Variants in P2RX5 observed in about 807,000 individuals in gnomAD.
P2RX5 encodes the protein purinergic receptor P2X 5, also known as P2X purinoceptor 5.
Under a neutral mutation model 54.1 loss-of-function variants are expected in P2RX5, and 46 were observed. The observed-to-expected ratio is 0.85, with a 90% CI of 0.67 to 1.09. The LOEUF (loss-of-function observed/expected upper bound fraction) is 1.09. Among genes scored for constraint, P2RX5 ranks in the 50% least tolerant of loss-of-function variants. P2RX5 has a pLI of 0.00. For synonymous variants in P2RX5, 226 were observed against 226.4 expected (o/e 1.00, Z 0.02); for missense variants, 566 against 549.8 (o/e 1.03, Z -0.29).
chr17:3,702,724 C>G, the P2RX5 span, among the ~76,000 whole-genome samples: 5 of 152,112 alleles, frequency 3.3e-5, no homozygotes, highest in Non-Finnish European at 5.9e-5. Context: ...TAACACTCAC[C>G]ACGAGGGTCC....
intron 10 of P2RX5, among the ~76,000 whole-genome samples, chr17:3,680,695 G>GTCCTCCACCCTGCATCCTCCACCCTGCA (rs1235724255): frequency 1.9e-5 from 1 of 53,226 alleles, no homozygotes; most frequent in African/African-American, 6.4e-5. Context: ...TCCATCCTGG[G>GTCCTCCACCCTGCATCCTCCACCCTGCA]TCCTCCACCC....
upstream of P2RX5, among the ~76,000 whole-genome samples, chr17:3,699,901 GGAAGGAAGGAAGGAAGGAAA>G (rs2050805428): frequency 3.0e-5 from 1 of 32,986 alleles, no homozygotes; most frequent in South Asian, 2.1e-3. Context: ...AAGGAAGGAA[GGAAGGAAGGAAGGAAGGAAA>G]GAAAGAAAGA....
At chr17:3,706,669 CA>C in the P2RX5 span, among the ~76,000 whole-genome samples, 1 of 152,046 alleles carries the variant, frequency 6.6e-6, no homozygotes, top group Non-Finnish European at 1.5e-5. Flanking sequence ...AGCAAGGAGC[CA>C]GTGTGATCTC....
Position 3,688,652 on chromosome 17 carries a change from CTT to C in P2RX5, c.859_860del (p.Lys287ValfsTer34). 6.2e-7 allele frequency: 1 copy of C among 1,614,150 alleles called. No homozygotes were observed. Among genetic ancestry groups the C allele is most frequent in the Non-Finnish European group, 8.5e-7 (1 of 1,180,020 alleles). On this transcript the variant is annotated frameshift_variant, in exon 8 of 12. Coordinates refer to ENST00000225328, the MANE Select transcript of P2RX5 (RefSeq NM_002561.4). LOFTEE classifies it high-confidence loss of function. Reference sequence around the variant, plus strand: ...TGAAGTTGTACCCGGAGGAGACAGACTTTGAAAGTTTATTGTCCAGACGGCTA... The same window carrying C: ...TGAAGTTGTACCCGGAGGAGACAGACTGAAAGTTTATTGTCCAGACGGCTA... ...SFSRLDNKLSKSVSSGYNFRF... is the reference protein window; with the variant it reads ...SFSRLDNKLSXSVSSGYNFRF...
chr17:3,684,752 G>A (rs1016262768), intron 9 of P2RX5, among the ~76,000 whole-genome samples: 1 of 151,750 alleles, frequency 6.6e-6, no homozygotes, highest in South Asian at 2.1e-4. Context: ...AAGGATGTGT[G>A]TAAGACCACA....
At chr17:3,720,584 CT>C in the P2RX5 span, 145,071 of 320,656 alleles carry the variant, frequency 0.45, 19,688 homozygotes, top group Middle Eastern at 0.51. Flanking sequence ...CTTCAACTTC[CT>C]TTTTTTTTTT....
At chr17:3,685,366 CT>C (rs1431905687) in intron 9 of P2RX5, among the ~76,000 whole-genome samples, 1 of 152,202 alleles carries the variant, frequency 6.6e-6, no homozygotes, top group Non-Finnish European at 1.5e-5. Flanking sequence ...CCAGAAAGCC[CT>C]CTTTTCCCAC....
chr17:3,701,116 G>C (rs2050813074), upstream of P2RX5, among the ~76,000 whole-genome samples: 1 of 152,194 alleles, frequency 6.6e-6, no homozygotes, highest in South Asian at 2.1e-4. Context: ...GTTGTTGTCT[G>C]ATTTACAAGC....
At chr17:3,713,938 A>ACT in the P2RX5 span, among the ~76,000 whole-genome samples, 10 of 150,548 alleles carry the variant, frequency 6.6e-5, no homozygotes, top group Non-Finnish European at 1.5e-4. Flanking sequence ...ACAATCGATA[A>ACT]TTTTTTTTTG....
chr17:3,721,162 C>T, the P2RX5 span, among the ~76,000 whole-genome samples: 1 of 151,090 alleles, frequency 6.6e-6, no homozygotes, highest in Non-Finnish European at 1.5e-5. Context: ...CTCCTGGGCT[C>T]AAGCAATCCA....
upstream of P2RX5, among the ~76,000 whole-genome samples, chr17:3,698,588 T>C (rs2050795726): frequency 6.6e-6 from 1 of 152,182 alleles, no homozygotes; most frequent in Non-Finnish European, 1.5e-5. Context: ...TGTGTGCTAC[T>C]GGAGAGGCTG....
the P2RX5 span, among the ~76,000 whole-genome samples, chr17:3,701,718 AAG>A: frequency 2.2e-3 from 316 of 144,582 alleles, 6 homozygotes; most frequent in African/African-American, 7.8e-3. Context: ...AAAAAAAAAA[AAG>A]GAACTTCTAA....
chr17:3,713,763 T>C, the P2RX5 span, among the ~76,000 whole-genome samples: 2 of 136,582 alleles, frequency 1.5e-5, no homozygotes, highest in African/African-American at 5.8e-5. Flanking sequence ...AAAAAAAAAA[T>C]AAAGTAAAAT....
the P2RX5 span, among the ~76,000 whole-genome samples, chr17:3,706,684 T>C: frequency 1.3e-5 from 2 of 151,892 alleles, no homozygotes; most frequent in African/African-American, 2.4e-5. Context: ...TGATCTCGGC[T>C]CACCGCAATC....
intron 11 of P2RX5, among the ~76,000 whole-genome samples, chr17:3,678,424 A>G (rs1204502072): frequency 6.6e-6 from 1 of 152,202 alleles, no homozygotes; most frequent in African/African-American, 2.4e-5. Flanking sequence ...CTCAGCCAAG[A>G]CAAGCCAGGC....
chr17:3,694,230 GA>G lies in P2RX5; in HGVS notation c.137+1638del, dbSNP rs5818908. ...ACATGACACCAAGTGAAAGAAGCCA[GA>G]AAAAAAAAAAAAAAGGCCGCATACT... On this transcript the variant is annotated intron_variant, in intron 1 of 11. Coordinates refer to ENST00000225328, the MANE Select transcript of P2RX5 (RefSeq NM_002561.4). Among the ~76,000 whole-genome samples the G allele has an allele frequency of 2.5e-3, 312 of 124,648 alleles. 1 individual carries two copies. Among genetic ancestry groups the G allele is most frequent in the East Asian group, 7.4e-3 (30 of 4,042 alleles). The allele number at this position is 124,648 out of a possible 152,430, so 81.8% of individuals were successfully genotyped here.
the P2RX5 span, among the ~76,000 whole-genome samples, chr17:3,703,450 C>T: frequency 6.6e-6 from 1 of 151,570 alleles, no homozygotes; most frequent in East Asian, 2.0e-4. Flanking sequence ...ATTGCTTGAG[C>T]CCAGGAGATT....
At chr17:3,688,835 G>T in intron 7 of P2RX5, 76 bp from the exon 8 acceptor site, 1 of 1,528,574 alleles carries the variant, frequency 6.5e-7, no homozygotes, top group Non-Finnish European at 9.0e-7. Flanking sequence ...GCCCTTCACC[G>T]GCACTGGACA....
chr17:3,676,711 G>A, intron 11 of P2RX5: 1 of 215,726 alleles, frequency 4.6e-6, no homozygotes, highest in Non-Finnish European at 7.5e-6. Flanking sequence ...TGGGTGGGGG[G>A]CGGGGGAGCT....
Sources: allele counts gnomAD v4.1 joint callset (sites outside exome capture counted in the v4.1 genomes callset), GRCh38; gene constraint gnomAD v4.1.1; transcripts MANE v1.5; gene names NCBI Gene and HGNC (gene_info 2026-07-23, HGNC 2026-07-21).